The following FRAS1 variants were observed in gnomAD, a reference collection of about 807,000 sequenced individuals.
FRAS1 encodes the protein extracellular matrix organizing protein FRAS1.
A neutral mutation model predicts 435.2 loss-of-function variants in FRAS1; 290 were observed. The ratio of observed to expected loss-of-function variants is 0.67; its 90% CI spans 0.61 to 0.73. The LOEUF (loss-of-function observed/expected upper bound fraction) is 0.73. Ranked by LOEUF, FRAS1 falls within the 30% of genes least tolerant of loss-of-function variation. The pLI is 0.00. For synonymous variants in FRAS1, 1,800 were observed against 1,851.0 expected (o/e 0.97, Z 0.71); for missense variants, 4,860 against 5,001.5 (o/e 0.97, Z 0.85).
chr4:78,474,545 T>A (rs1315583561), intron 53 of FRAS1, among the ~76,000 whole-genome samples: 1 of 152,244 alleles, frequency 6.6e-6, no homozygotes, highest in Non-Finnish European at 1.5e-5. Flanking sequence ...AATGTTTTGC[T>A]GTTATTTACC....
chr4:78,508,954 C>A lies in FRAS1; in HGVS notation c.9728C>A (p.Ser3243Tyr), dbSNP rs777832567. The change falls in exon 63 of 74, where the codon TCT (serine) becomes TAT (tyrosine). Residue 3243 changes from serine (S) to tyrosine (Y), a missense_variant. By Grantham distance (144) the Ser-to-Tyr change is moderately radical (BLOSUM62 -2). Transcript: ENST00000512123. ...AAPTDGNGAR[S>Y]PFETITDNTP... ...CCCACTGATGGCAATGGGGCCCGGT[C>A]TCCCTTTGAAACCATCACTGACAAC... 6.2e-7 allele frequency: 1 copy of A among 1,613,998 alleles called. No individual in the cohort carries two copies. The highest frequency in any genetic ancestry group is 1.1e-5 in the South Asian group (1 of 91,082).
At chr4:78,447,552 G>T (rs1324085570) in intron 43 of FRAS1, among the ~76,000 whole-genome samples, 1 of 152,048 alleles carries the variant, frequency 6.6e-6, no homozygotes, top group Non-Finnish European at 1.5e-5. Context: ...CTTGAATGAA[G>T]CACTTTGACT....
chr4:78,174,911 T>C (rs1721700645), intron 2 of FRAS1, among the ~76,000 whole-genome samples: 1 of 152,250 alleles, frequency 6.6e-6, no homozygotes, highest in Admixed American at 6.5e-5. Context: ...AATTTTCTTC[T>C]AGCAGCATCA....
At chr4:78,344,611 T>TA (rs1281332970) in intron 20 of FRAS1, among the ~76,000 whole-genome samples, 2 of 151,304 alleles carry the variant, frequency 1.3e-5, no homozygotes, top group Non-Finnish European at 2.9e-5. Flanking sequence ...GTTGGTGAAT[T>TA]AAAAAGTGCA....
At chr4:78,083,558 C>T (rs1029821907) in intron 2 of FRAS1, among the ~76,000 whole-genome samples, 2 of 149,220 alleles carry the variant, frequency 1.3e-5, no homozygotes, top group Non-Finnish European at 3.0e-5. Context: ...TACCTCTGAA[C>T]TTCTTAGTTA....
chr4:78,541,035 G>T lies in FRAS1; in HGVS notation c.11950G>T (p.Ala3984Ser). Residue 3984 changes from alanine (A) to serine (S), a missense_variant, in exon 74 of 74, where the codon GCG becomes TCG. By Grantham distance (99) the Ala-to-Ser change is moderately conservative. Coordinates refer to ENST00000512123, the MANE Select transcript of FRAS1 (RefSeq NM_025074.7). ...RNVNILSEPE[A>S]AYTFKGAKVK... ...CGTCAACATCCTGAGTGAGCCTGAG[G>T]CGGCTTACACGTTCAAAGGTGCTAA... 6.6e-7 allele frequency: 1 copy of T among 1,507,838 alleles called. No homozygotes were observed. The highest frequency in any genetic ancestry group is 8.9e-7 in the Non-Finnish European group (1 of 1,123,816). 93.4% of individuals were successfully genotyped at this position (1,507,838 alleles called of 1,614,324 possible).
chr4:78,338,372 A>G (rs772939829), intron 20 of FRAS1, among the ~76,000 whole-genome samples: 16 of 152,108 alleles, frequency 1.1e-4, no homozygotes, highest in Non-Finnish European at 2.1e-4. Context: ...ATTTATGTTC[A>G]TCTATCTATT....
Position 78,471,922 on chromosome 4 carries a change from T to A in FRAS1, c.7372-258T>A, listed in dbSNP as rs577638882. 6.6e-5 allele frequency among the ~76,000 whole-genome samples: 10 copies of A among 152,308 alleles called. No individual in the cohort carries two copies. The East Asian group carries it at 1.9e-3, about 29-fold the overall frequency. On this transcript the variant is annotated intron_variant, in intron 51 of 73. Coordinates refer to ENST00000512123, the MANE Select transcript of FRAS1 (RefSeq NM_025074.7). Reference sequence around the variant, plus strand: ...CTTTCTCTTAAAAAGTGTGCAGCCCTCTTTTTATGTCTTCCATTACAGCTC... The same window carrying A: ...CTTTCTCTTAAAAAGTGTGCAGCCCACTTTTTATGTCTTCCATTACAGCTC...
chr4:78,269,145 T>A (rs752534130), intron 9 of FRAS1, among the ~76,000 whole-genome samples: 24 of 152,350 alleles, frequency 1.6e-4, no homozygotes, highest in Non-Finnish European at 3.2e-4. Flanking sequence ...TGTTAAAGCC[T>A]GGATGTACTA....
At chr4:78,060,475 G>A (rs1161943659) in intron 1 of FRAS1, among the ~76,000 whole-genome samples, 1 of 152,178 alleles carries the variant, frequency 6.6e-6, no homozygotes, top group Non-Finnish European at 1.5e-5. Context: ...AATTGTGGTT[G>A]GTATGGGTTT....
chr4:78,406,041 C>T (rs1432360725), intron 30 of FRAS1, among the ~76,000 whole-genome samples: 1 of 152,188 alleles, frequency 6.6e-6, no homozygotes, highest in African/African-American at 2.4e-5. Context: ...ATTTAGATTT[C>T]CTTGCCTCAG....
chr4:78,211,837 A>G (rs1396809804), intron 2 of FRAS1, among the ~76,000 whole-genome samples: 1 of 152,194 alleles, frequency 6.6e-6, no homozygotes, highest in Admixed American at 6.5e-5. Flanking sequence ...CCCTGTAACC[A>G]TTAAGCAGTA....
intron 2 of FRAS1, among the ~76,000 whole-genome samples, chr4:78,069,994 T>C (rs1167672992): frequency 6.6e-6 from 1 of 152,016 alleles, no homozygotes; most frequent in African/African-American, 2.4e-5. Context: ...CTTCACCACC[T>C]TCGGTCCCAT....
At chr4:78,443,812 A>G (rs1009153588) in intron 41 of FRAS1, among the ~76,000 whole-genome samples, 1 of 152,184 alleles carries the variant, frequency 6.6e-6, no homozygotes, top group African/African-American at 2.4e-5. Context: ...AGGCACTATT[A>G]TATTTGTGTA....
intron 2 of FRAS1, among the ~76,000 whole-genome samples, chr4:78,099,148 G>T (rs1421712908): frequency 4.6e-5 from 7 of 152,176 alleles, no homozygotes; most frequent in Non-Finnish European, 8.8e-5. Flanking sequence ...GAGAGGAGAG[G>T]GGGGGCCATG....
chr4:78,542,449 G>A lies in FRAS1; in HGVS notation c.*1325G>A. 1 of 152,504 alleles carries A rather than the reference G, an allele frequency of 6.6e-6. No homozygotes were observed. The highest frequency in any genetic ancestry group is 1.9e-4 in the East Asian group (1 of 5,196). The allele number at this position is 152,504 out of a possible 1,614,324, so 9.4% of individuals were successfully genotyped here. A position where few individuals can be genotyped will look rare whatever the true frequency, so the allele number is the denominator to read the frequency against. ...CGTGCATGCCATGTTGTTTTGAATTGGAGGCACAATTTCATTATTCGAGAG... is the reference window on the plus strand; with the variant it reads ...CGTGCATGCCATGTTGTTTTGAATTAGAGGCACAATTTCATTATTCGAGAG... On this transcript the variant is annotated 3_prime_UTR_variant, in exon 74 of 74. Coordinates refer to ENST00000512123, the MANE Select transcript of FRAS1 (RefSeq NM_025074.7).
At chr4:78,240,363 A>C (rs769548225) in intron 3 of FRAS1, among the ~76,000 whole-genome samples, 2 of 152,100 alleles carry the variant, frequency 1.3e-5, no homozygotes, top group Non-Finnish European at 2.9e-5. Flanking sequence ...GGATCAAGAG[A>C]TAAGGGCAGG....
chr4:78,309,148 G>A (rs1728913700), intron 15 of FRAS1, among the ~76,000 whole-genome samples: 1 of 152,206 alleles, frequency 6.6e-6, no homozygotes, highest in Admixed American at 6.5e-5. Context: ...TAAGCATGCA[G>A]GTGACTTTTA....
intron 2 of FRAS1, among the ~76,000 whole-genome samples, chr4:78,218,134 A>ACAC (rs1471926143): frequency 6.3e-5 from 8 of 126,816 alleles, no homozygotes; most frequent in Non-Finnish European, 9.9e-5. Flanking sequence ...ACACACACAC[A>ACAC]AGTTGTATTT....
Sources: gnomAD v4.1 joint callset for allele counts (sites outside exome capture counted in the v4.1 genomes callset) on GRCh38, gnomAD v4.1.1 for gene constraint, MANE v1.5 for transcripts, NCBI Gene and HGNC (gene_info 2026-07-23, HGNC 2026-07-21) for gene names.